ARHGAP25: variants seen among roughly 807,000 people sequenced by gnomAD.
ARHGAP25 encodes rho GTPase-activating protein 25.
In ARHGAP25, 34 loss-of-function variants were observed where a neutral mutation model predicts 71.0. The ratio of observed to expected loss-of-function variants is 0.48; its 90% confidence interval spans 0.36 to 0.64. The LOEUF (loss-of-function observed/expected upper bound fraction) is 0.64, where lower values mean the gene tolerates loss of function less well. ARHGAP25 is among the 30% of genes least tolerant of loss of function. The pLI is 0.00. For synonymous variants in ARHGAP25, 282 were observed against 296.5 expected (o/e 0.95, Z 0.50); for missense variants, 706 against 805.1 (o/e 0.88, Z 1.49).
intron 9 of ARHGAP25, chr2:68,819,624 G>A: frequency 1.7e-6 from 1 of 581,412 alleles, no homozygotes; most frequent in Non-Finnish European, 3.1e-6. Context: ...GAAGTTCAGT[G>A]GGAAAAATGT....
At chr2:68,775,925 T>C (rs749880484) in intron 2 of ARHGAP25, among the ~76,000 whole-genome samples, 11 of 152,046 alleles carry the variant, frequency 7.2e-5, no homozygotes, top group Non-Finnish European at 1.5e-4. Flanking sequence ...AGTATGTAGT[T>C]TGTTAGAGAA....
At chr2:68,737,921 G>A (rs1234906753) in intron 1 of ARHGAP25, among the ~76,000 whole-genome samples, 1 of 152,154 alleles carries the variant, frequency 6.6e-6, no homozygotes, top group Non-Finnish European at 1.5e-5. Context: ...ACTCTCCACT[G>A]TACTTCCATC....
chr2:68,802,086 A>T (rs370362349), intron 4 of ARHGAP25, among the ~76,000 whole-genome samples: 3 of 152,144 alleles, frequency 2.0e-5, no homozygotes, highest in Admixed American at 6.5e-5. Flanking sequence ...AGCAGTGGGA[A>T]TAGGGAGCTT....
chr2:68,768,969 A>G (rs558273703), intron 1 of ARHGAP25, among the ~76,000 whole-genome samples: 30 of 152,186 alleles, frequency 2.0e-4, no homozygotes, highest in Non-Finnish European at 3.7e-4. Context: ...CAAGTCCTCA[A>G]TCTTGAATGA....
At chr2:68,732,111 T>C (rs1675036764), upstream of ARHGAP25, among the ~76,000 whole-genome samples, 1 of 152,236 alleles carries the variant, frequency 6.6e-6, no homozygotes, top group Non-Finnish European at 1.5e-5. Flanking sequence ...CATTTGGCTC[T>C]TCATTTTATG....
intron 4 of ARHGAP25, among the ~76,000 whole-genome samples, chr2:68,806,735 C>A (rs1680400499): frequency 6.6e-6 from 1 of 152,292 alleles, no homozygotes; most frequent in East Asian, 1.9e-4. Flanking sequence ...TTTCAGACTG[C>A]AGTTGACCGT....
chr2:68,815,644 T>C (rs1026948146), intron 6 of ARHGAP25, among the ~76,000 whole-genome samples: 8 of 152,008 alleles, frequency 5.3e-5, no homozygotes, highest in Admixed American at 2.0e-4. Flanking sequence ...ACAAGCACCA[T>C]GTTGCAGATG....
chr2:68,730,807 G>A (rs10174998), upstream of ARHGAP25, among the ~76,000 whole-genome samples: 38,595 of 152,014 alleles, frequency 0.25, 7,645 homozygotes, highest in African/African-American at 0.55. Flanking sequence ...AATGGGGGCC[G>A]TATTTGTGTT....
At chr2:68,793,036 A>G (rs1679298290) in intron 4 of ARHGAP25, among the ~76,000 whole-genome samples, 1 of 151,614 alleles carries the variant, frequency 6.6e-6, no homozygotes, top group African/African-American at 2.4e-5. Context: ...AATGTTGAGG[A>G]TTTTTTTCAT....
At chr2:68,819,357 T>C in intron 9 of ARHGAP25, 38 bp downstream of exon 9, 2 of 1,608,138 alleles carry the variant, frequency 1.2e-6, no homozygotes, top group Non-Finnish European at 1.7e-6. Flanking sequence ...CATTGGGTTC[T>C]TCCTTTAGTC....
Position 68,782,257 on chromosome 2 carries a change from A to G in ARHGAP25, c.286A>G (p.Thr96Ala), listed in dbSNP as rs151132270. The G allele has an allele frequency of 6.2e-7, 1 of 1,614,140 alleles. No individual in the cohort carries two copies. Among genetic ancestry groups the G allele is most frequent in the Non-Finnish European group, 8.5e-7 (1 of 1,179,998 alleles). ...PQGCMYLPGC[T>A]IKEIATNPEE... ...GGGCTGCATGTATCTACCAGGATGT[A>G]CAATCAAGGAGATCGCCACAAACCC... The change falls in exon 3 of 11, where the codon ACA becomes GCA. Residue 96 changes from threonine to alanine, a missense_variant. Coordinates refer to ENST00000409202, the MANE Select transcript of ARHGAP25 (RefSeq NM_001007231.3).
intron 1 of ARHGAP25, among the ~76,000 whole-genome samples, chr2:68,764,350 C>T (rs4521075): frequency 0.81 from 123,908 of 152,144 alleles, 50,682 homozygotes; most frequent in Non-Finnish European, 0.84. Flanking sequence ...CTGTTATGGA[C>T]GTGTGCCTTC....
intron 1 of ARHGAP25, among the ~76,000 whole-genome samples, chr2:68,747,008 CAAA>C (rs70954322): frequency 1.3e-4 from 11 of 83,996 alleles, no homozygotes; most frequent in Admixed American, 2.5e-4. Context: ...AACTCCATCT[CAAA>C]AAAAAAAAAA....
chr2:68,759,398 G>A (rs1254305908), intron 1 of ARHGAP25, among the ~76,000 whole-genome samples: 2 of 150,968 alleles, frequency 1.3e-5, no homozygotes, highest in African/African-American at 2.4e-5. Context: ...GAAAGTGAGG[G>A]TATTACCACC....
intron 1 of ARHGAP25, among the ~76,000 whole-genome samples, chr2:68,771,072 G>T (rs1677456891): frequency 6.6e-6 from 1 of 152,184 alleles, no homozygotes; most frequent in Non-Finnish European, 1.5e-5. Flanking sequence ...GAACTCAATT[G>T]TAACTTAATG....
Position 68,723,028 on chromosome 2 carries a change from C to T in ARHGAP25, c.-18+12330C>T, listed in dbSNP as rs565182370. ...TTTTTTTATGAAGCAAGGGTGACAG[C>T]GCCTCTGTTTTGCTTCTTGAACCGG... is the stretch of plus-strand genomic sequence containing the variant. On this transcript the variant is annotated intron_variant and NMD_transcript_variant, in intron 2 of 7. Transcript: ENST00000463483. Among the ~76,000 whole-genome samples the T allele has an allele frequency of 2.6e-5, 4 of 152,248 alleles. No homozygotes were observed. In the East Asian group the frequency reaches 7.7e-4, roughly 29 times the overall value.
intron 4 of ARHGAP25, among the ~76,000 whole-genome samples, chr2:68,800,183 GCA>G (rs1182819804): frequency 2.0e-5 from 3 of 151,870 alleles, no homozygotes; most frequent in Non-Finnish European, 4.4e-5. Flanking sequence ...GAGCGGGCAG[GCA>G]CAGTGTGTAT....
At chr2:68,731,252 C>T (rs144026366), upstream of ARHGAP25, among the ~76,000 whole-genome samples, 30 of 152,230 alleles carry the variant, frequency 2.0e-4, no homozygotes, top group Admixed American at 5.2e-4. Flanking sequence ...TACCAATCCT[C>T]ACTGTTTTTG....
At chr2:68,793,029 G>A (rs7601776) in intron 4 of ARHGAP25, among the ~76,000 whole-genome samples, 7,219 of 152,186 alleles carry the variant, frequency 0.047, 582 homozygotes, top group African/African-American at 0.17. Context: ...GATTATTAAT[G>A]TTGAGGATTT....
Sources: gnomAD v4.1 joint callset for allele counts (sites outside exome capture counted in the v4.1 genomes callset) on GRCh38, gnomAD v4.1.1 for gene constraint, MANE v1.5 for transcripts, NCBI Gene and HGNC (gene_info 2026-07-23, HGNC 2026-07-21) for gene names.